Variants in GALNT7 observed in about 807,000 individuals in gnomAD.
The protein encoded by GALNT7 is N-acetylgalactosaminyltransferase 7.
GALNT7 carries 60 observed loss-of-function variants against 82.1 expected under a neutral mutation model. That is an observed-to-expected ratio of 0.73 (90% CI 0.59 to 0.91). The LOEUF is 0.91. Among genes scored for constraint, GALNT7 ranks in the 40% least tolerant of loss-of-function variants. The pLI, the probability that GALNT7 is intolerant of heterozygous loss-of-function variation, is 0.00. For missense variants in GALNT7, 660 were observed against 804.2 expected, an observed-to-expected ratio of 0.82 and a Z score of 2.17; for synonymous variants, 243 against 275.1, an observed-to-expected ratio of 0.88 and a Z score of 1.15.
chr4:173,183,043 A>AACACACACACACC (rs1331023696), intron 1 of GALNT7, among the ~76,000 whole-genome samples: 48 of 125,096 alleles, frequency 3.8e-4, no homozygotes, highest in African/African-American at 1.4e-3. Flanking sequence ...CACACACATA[A>AACACACACACACC]ACACACACAC....
At chr4:173,269,994 T>G (rs1483234124) in intron 2 of GALNT7, among the ~76,000 whole-genome samples, 1 of 152,192 alleles carries the variant, frequency 6.6e-6, no homozygotes, top group African/African-American at 2.4e-5. Flanking sequence ...ACAAAAGTCC[T>G]GTGAAGAAAG....
intron 8 of GALNT7, among the ~76,000 whole-genome samples, chr4:173,313,465 G>T (rs1028651034): frequency 1.3e-5 from 2 of 151,700 alleles, no homozygotes; most frequent in Non-Finnish European, 2.9e-5. Flanking sequence ...TAGCTACTCG[G>T]GAAGCTGAGG....
intron 1 of GALNT7, among the ~76,000 whole-genome samples, chr4:173,237,964 A>G (rs1317633191): frequency 6.6e-6 from 1 of 152,156 alleles, no homozygotes; most frequent in African/African-American, 2.4e-5. Flanking sequence ...CTCATTTTCA[A>G]TCAGTTCAGC....
rs531735550 is a variant in GALNT7 at position 173,231,737 on chromosome 4, G to A, written c.127-16243G>A. 2.0e-5 allele frequency among the ~76,000 whole-genome samples: 3 copies of A among 152,190 alleles called. No homozygotes were observed. In the South Asian group the frequency reaches 6.2e-4, roughly 32 times the overall value. Reference sequence around the variant, plus strand: ...AAGGCAGGCCCTCCTTTAAATATATGGAGGCCAGGAAACATGTTTCCTGTT... The same window carrying A: ...AAGGCAGGCCCTCCTTTAAATATATAGAGGCCAGGAAACATGTTTCCTGTT... On this transcript the variant is annotated intron_variant, in intron 1 of 11. Transcript: ENST00000265000.
intron 2 of GALNT7, among the ~76,000 whole-genome samples, chr4:173,285,969 CAAGAATGAT>C (rs1279062071): frequency 2.0e-5 from 3 of 151,704 alleles, no homozygotes; most frequent in African/African-American, 7.3e-5. Context: ...ACGTATGCAT[CAAGAATGAT>C]AAGACACAGT....
chr4:173,168,842 C>T lies in GALNT7; in HGVS notation c.7C>T (p.Leu3=). 6.2e-7 allele frequency: 1 copy of T among 1,613,112 alleles called. No individual in the cohort carries two copies. Among genetic ancestry groups the T allele is most frequent in the Non-Finnish European group, 8.5e-7 (1 of 1,179,550 alleles). MR[L]KIGFILRSLL... is the part of the protein sequence containing the mutation. ...CTCTCGCCGCCGGAGGAAGATGAGG[C>T]TGAAGATTGGGTTCATCTTACGCAG... The change falls in exon 1 of 12, where the codon CTG becomes TTG. Residue 3 remains leucine (L), a synonymous_variant. Transcript: ENST00000265000.
At chr4:173,192,820 G>T (rs1303926543) in intron 1 of GALNT7, among the ~76,000 whole-genome samples, 1 of 152,178 alleles carries the variant, frequency 6.6e-6, no homozygotes. Flanking sequence ...CCTATCCATG[G>T]GTGGGAAGGT....
rs1736976519 is a variant in GALNT7, at chr4:173,302,425, A to G, written c.1266+261A>G. ...TTTAGAAATGAAAATATCTACCCCC[A>G]CACCCCAACTTTCTATATATTGGAG... is the stretch of plus-strand genomic sequence containing the variant. On this transcript the variant is annotated intron_variant, in intron 7 of 11. Transcript: ENST00000265000. The surrounding 1 kb of genome is among the most constrained non-coding windows in gnomAD (Gnocchi z 4.2). Among the ~76,000 whole-genome samples the G allele has an allele frequency of 6.6e-6, 1 of 152,160 alleles. No individual in the cohort carries two copies. Among genetic ancestry groups the G allele is most frequent in the Non-Finnish European group, 1.5e-5 (1 of 68,024 alleles).
intron 1 of GALNT7, among the ~76,000 whole-genome samples, chr4:173,179,049 T>C (rs1171552955): frequency 1.3e-5 from 2 of 152,260 alleles, no homozygotes; most frequent in African/African-American, 4.8e-5. Flanking sequence ...GGCTTAAGTG[T>C]AATTTTGGCA....
At chr4:173,279,346 A>G (rs1736027029) in intron 2 of GALNT7, among the ~76,000 whole-genome samples, 1 of 152,104 alleles carries the variant, frequency 6.6e-6, no homozygotes. Context: ...TTGTGAGGAG[A>G]GCACCAAGAG....
At chr4:173,314,518 C>T (rs894760380) in intron 9 of GALNT7, among the ~76,000 whole-genome samples, 1 of 152,130 alleles carries the variant, frequency 6.6e-6, no homozygotes, top group African/African-American at 2.4e-5. Context: ...ACTGAAAAGC[C>T]CTTCTTACTA....
intron 1 of GALNT7, among the ~76,000 whole-genome samples, chr4:173,201,082 T>C (rs1297111828): frequency 6.6e-6 from 1 of 152,210 alleles, no homozygotes; most frequent in African/African-American, 2.4e-5. Context: ...TTTTGTAAAT[T>C]ACTGTTTTTT....
chr4:173,299,557 A>G (rs143168244), intron 6 of GALNT7, among the ~76,000 whole-genome samples: 95 of 152,294 alleles, frequency 6.2e-4, no homozygotes, highest in African/African-American at 1.9e-3. Context: ...AAGAAAAATA[A>G]ACCCAGCTGC....
chr4:173,230,946 G>A (rs1452761811), intron 1 of GALNT7, among the ~76,000 whole-genome samples: 1 of 152,150 alleles, frequency 6.6e-6, no homozygotes, highest in Non-Finnish European at 1.5e-5. Flanking sequence ...AGGCTCAATT[G>A]TGAATAATTT....
chr4:173,233,705 A>G (rs192323061), intron 1 of GALNT7, among the ~76,000 whole-genome samples: 32 of 152,322 alleles, frequency 2.1e-4, no homozygotes, highest in Non-Finnish European at 4.0e-4. Flanking sequence ...GCCAGTCCCC[A>G]TGACTGCTTT....
chr4:173,281,209 G>A (rs1228984669), intron 2 of GALNT7, among the ~76,000 whole-genome samples: 1 of 152,104 alleles, frequency 6.6e-6, no homozygotes, highest in Non-Finnish European at 1.5e-5. Flanking sequence ...CTGGTTCTGG[G>A]TAGGTGTGCC....
chr4:173,201,542 G>A (rs1481383116), intron 1 of GALNT7, among the ~76,000 whole-genome samples: 1 of 152,030 alleles, frequency 6.6e-6, no homozygotes, highest in Non-Finnish European at 1.5e-5. Context: ...AAGAGAATTG[G>A]GTTATATATC....
intron 1 of GALNT7, among the ~76,000 whole-genome samples, chr4:173,174,564 T>C (rs958364354): frequency 1.3e-5 from 2 of 152,212 alleles, no homozygotes; most frequent in Admixed American, 6.5e-5. Context: ...TTCCATCCAG[T>C]GGTCTATGTG....
At chr4:173,306,603 AGAT>A (rs1292754765) in intron 8 of GALNT7, among the ~76,000 whole-genome samples, 1 of 152,188 alleles carries the variant, frequency 6.6e-6, no homozygotes, top group Non-Finnish European at 1.5e-5. Flanking sequence ...ACATCTATTG[AGAT>A]GATTATATGG....
Sources: allele counts gnomAD v4.1 joint callset (sites outside exome capture counted in the v4.1 genomes callset), GRCh38; gene constraint gnomAD v4.1.1; non-coding constraint Gnocchi (gnomAD v3.1); transcripts MANE v1.5; gene names NCBI Gene and HGNC (gene_info 2026-07-23, HGNC 2026-07-21).